Variants in SOX5 observed in about 807,000 individuals in gnomAD.
SOX5 encodes the protein SRY-box transcription factor 5.
A neutral mutation model predicts 92.0 loss-of-function variants in SOX5; 9 were observed. That is an observed-to-expected ratio of 0.10 (90% confidence interval 0.06 to 0.17). The LOEUF (loss-of-function observed/expected upper bound fraction) is 0.17, where lower values mean the gene tolerates loss of function less well. SOX5 is among the 10% of genes least tolerant of loss of function. The pLI is 1.00. For missense variants in SOX5, 642 were observed against 944.5 expected (o/e 0.68, Z 4.20); for synonymous variants, 344 against 336.3 (o/e 1.02, Z -0.25).
In SOX5 at chr12:23,547,544, G is replaced by A. The variant is rs141757982; in HGVS notation, c.1489-1120C>T. ...ACTAATGTTCCCACCAAGAACTAATGAGATATTGAAATTCTTAACACAGTA... is the reference window on the plus strand; with the variant it reads ...ACTAATGTTCCCACCAAGAACTAATAAGATATTGAAATTCTTAACACAGTA... On this transcript the variant is annotated intron_variant, in intron 11 of 14. Coordinates refer to ENST00000451604, the MANE Select transcript of SOX5 (RefSeq NM_006940.6). 1.2e-3 allele frequency among the ~76,000 whole-genome samples: 177 copies of A among 152,032 alleles called. 2 individuals carry two copies. In the Middle Eastern group the frequency reaches 0.021, roughly 18 times the overall value.
At chr12:23,761,456 C>A (rs1167923172) in intron 3 of SOX5, among the ~76,000 whole-genome samples, 2 of 151,824 alleles carry the variant, frequency 1.3e-5, no homozygotes, top group East Asian at 1.9e-4. Context: ...AATATTTGAC[C>A]AAGGAAATTA....
At chr12:24,251,400 T>C (rs1176170005) in intron 3 of SOX5, among the ~76,000 whole-genome samples, 1 of 152,184 alleles carries the variant, frequency 6.6e-6, no homozygotes, top group Non-Finnish European at 1.5e-5. Flanking sequence ...GATGACCTTC[T>C]TGAATTCCCA....
chr12:23,655,989 G>C (rs1409837391), intron 7 of SOX5, among the ~76,000 whole-genome samples: 1 of 151,054 alleles, frequency 6.6e-6, no homozygotes, highest in Non-Finnish European at 1.5e-5. Context: ...ACAATAATTT[G>C]ACTTCTTTAG....
intron 4 of SOX5, among the ~76,000 whole-genome samples, chr12:24,021,982 T>C (rs533220019): frequency 6.6e-6 from 1 of 152,222 alleles, no homozygotes; most frequent in Non-Finnish European, 1.5e-5. Flanking sequence ...TTCACTTCTT[T>C]ATCTCTTATT....
chr12:24,295,569 T>A (rs1290495782), intron 2 of SOX5, among the ~76,000 whole-genome samples: 1 of 152,200 alleles, frequency 6.6e-6, no homozygotes, highest in Non-Finnish European at 1.5e-5. Context: ...TCTTGGTTTT[T>A]GTTTGTTTGT....
chr12:24,312,082 C>T (rs1365152472), intron 2 of SOX5, among the ~76,000 whole-genome samples: 1 of 152,074 alleles, frequency 6.6e-6, no homozygotes, highest in East Asian at 1.9e-4. Context: ...CAGAATAAAA[C>T]ATAACTTCTT....
At chr12:23,543,722 A>G (rs1044992835) in intron 12 of SOX5, among the ~76,000 whole-genome samples, 4 of 152,212 alleles carry the variant, frequency 2.6e-5, no homozygotes, top group Non-Finnish European at 4.4e-5. Flanking sequence ...CAACAGGCAT[A>G]CCAGTAGTGT....
chr12:23,950,224 CT>C (rs1945384717), upstream of SOX5, among the ~76,000 whole-genome samples: 1 of 151,658 alleles, frequency 6.6e-6, no homozygotes, highest in East Asian at 1.9e-4. Context: ...CCTTCTCACC[CT>C]TTTCTAGGCT....
chr12:24,524,787 CA>C (rs1566387255), intron 1 of SOX5, among the ~76,000 whole-genome samples: 6 of 152,098 alleles, frequency 3.9e-5, no homozygotes, highest in Admixed American at 3.3e-4. Context: ...GAGGCTGAAG[CA>C]GAAGGATCGC....
At chr12:23,559,908 GT>G (rs1246938319) in intron 11 of SOX5, among the ~76,000 whole-genome samples, 1 of 151,934 alleles carries the variant, frequency 6.6e-6, no homozygotes, top group African/African-American at 2.4e-5. Context: ...GGAGTTAGGA[GT>G]GTTATTATTA....
At chr12:23,673,537 AAATAT>A (rs2085144332) in intron 6 of SOX5, among the ~76,000 whole-genome samples, 2 of 152,170 alleles carry the variant, frequency 1.3e-5, no homozygotes, top group Admixed American at 6.6e-5. Flanking sequence ...GACCAACATG[AAATAT>A]AATATAGTTT....
chr12:23,926,546 T>C (rs953244108), intron 1 of SOX5, among the ~76,000 whole-genome samples: 2 of 152,146 alleles, frequency 1.3e-5, no homozygotes, highest in African/African-American at 4.8e-5. Context: ...ACTTATGGAT[T>C]ATGTTTAGTA....
intron 2 of SOX5, among the ~76,000 whole-genome samples, chr12:24,355,431 T>TG (rs1170316913): frequency 6.6e-6 from 1 of 151,314 alleles, no homozygotes; most frequent in African/African-American, 2.4e-5. Flanking sequence ...CCTCAGCCGG[T>TG]GAGGGGTGCA....
At chr12:23,782,994 G>A (rs185867883) in intron 3 of SOX5, among the ~76,000 whole-genome samples, 5 of 152,136 alleles carry the variant, frequency 3.3e-5, no homozygotes, top group Non-Finnish European at 7.4e-5. Context: ...GCACACTGCC[G>A]TACCTGTGAG....
intron 2 of SOX5, among the ~76,000 whole-genome samples, chr12:23,887,155 G>A (rs2097076584): frequency 6.6e-6 from 1 of 152,104 alleles, no homozygotes; most frequent in South Asian, 2.1e-4. Flanking sequence ...CATGCAGTAA[G>A]AGAAACCTAG....
At chr12:24,071,595 G>T (rs1592884494) in intron 4 of SOX5, among the ~76,000 whole-genome samples, 1 of 151,904 alleles carries the variant, frequency 6.6e-6, no homozygotes, top group African/African-American at 2.4e-5. Context: ...CACCACGCCC[G>T]GCTAATTTTT....
At chr12:23,585,281 C>T (rs1239669894) in intron 9 of SOX5, among the ~76,000 whole-genome samples, 2 of 152,170 alleles carry the variant, frequency 1.3e-5, no homozygotes, top group Non-Finnish European at 2.9e-5. Flanking sequence ...CAGAACTTTG[C>T]TCCCTTGCTT....
intron 4 of SOX5, among the ~76,000 whole-genome samples, chr12:24,091,303 G>T (rs1444533302): frequency 2.6e-4 from 39 of 152,066 alleles, no homozygotes; most frequent in Admixed American, 2.6e-3. Flanking sequence ...ATATATTATT[G>T]TCATATACTG....
At chr12:23,845,465 G>C (rs2096564487) in intron 3 of SOX5, among the ~76,000 whole-genome samples, 1 of 152,170 alleles carries the variant, frequency 6.6e-6, no homozygotes, top group South Asian at 2.1e-4. Context: ...TTAAAAGAAA[G>C]ACTTTCTGGA....
Sources: allele counts gnomAD v4.1 joint callset (sites outside exome capture counted in the v4.1 genomes callset), GRCh38; gene constraint gnomAD v4.1.1; transcripts MANE v1.5; gene names NCBI Gene and HGNC (gene_info 2026-07-23, HGNC 2026-07-21).